The following HEXB variants were observed in gnomAD, a reference collection of about 807,000 sequenced individuals.
The protein encoded by HEXB is hexosaminidase subunit beta, also known as beta-hexosaminidase subunit beta.
Under a neutral mutation model 71.2 loss-of-function variants are expected in HEXB, and 51 were observed. The ratio of observed to expected loss-of-function variants is 0.72; its 90% CI spans 0.57 to 0.90. HEXB has a LOEUF of 0.90. Ranked by LOEUF, HEXB falls within the 40% of genes least tolerant of loss-of-function variation. The pLI is 0.00. For missense variants in HEXB, 617 were observed against 677.0 expected (o/e 0.91, Z 0.98); for synonymous variants, 266 against 249.3 (o/e 1.07, Z -0.63).
At chr5:74,676,964 G>A (rs1233072691) in intron 1 of HEXB, among the ~76,000 whole-genome samples, 1 of 151,842 alleles carries the variant, frequency 6.6e-6, no homozygotes, top group Non-Finnish European at 1.5e-5. Context: ...TCGGCTCACT[G>A]CAAACTCCAC....
chr5:74,661,734 G>A (rs983802388), intron 1 of HEXB, among the ~76,000 whole-genome samples: 1 of 152,118 alleles, frequency 6.6e-6, no homozygotes, highest in African/African-American at 2.4e-5. Flanking sequence ...CTACTTAAAG[G>A]AAATCCAATA....
rs11747100 is a variant in HEXB at position 74,673,109 on chromosome 5, A to G, written c.-376-16219A>G. Among the ~76,000 whole-genome samples, 633 of 152,214 alleles carry G rather than the reference A, an allele frequency of 4.2e-3. 6 individuals are homozygous for G. The highest frequency in any genetic ancestry group is 0.015 in the African/African-American group (603 of 41,516). ...TAGAAAAGGTAGAGAATTGGGGAAC[A>G]AGATAGTGTGGATTCCCACCAGATG... On this transcript the variant is annotated intron_variant, in intron 1 of 13. Transcript: ENST00000511181.
intron 1 of HEXB, among the ~76,000 whole-genome samples, chr5:74,664,454 C>CAA (rs1554033122): frequency 1.2e-5 from 1 of 86,454 alleles, no homozygotes; most frequent in Non-Finnish European, 2.5e-5. Context: ...AAAAAAAAAA[C>CAA]AGAGAGAGAG....
At chr5:74,686,011 TCTC>T (rs1274505886) in intron 1 of HEXB, among the ~76,000 whole-genome samples, 2 of 151,946 alleles carry the variant, frequency 1.3e-5, no homozygotes, top group African/African-American at 2.4e-5. Context: ...TCTCCTCACA[TCTC>T]CTGGTAACAG....
intron 1 of HEXB, among the ~76,000 whole-genome samples, chr5:74,676,472 A>G (rs1178859853): frequency 1.3e-5 from 2 of 152,152 alleles, no homozygotes; most frequent in Non-Finnish European, 2.9e-5. Flanking sequence ...GCAAATTTTT[A>G]AAGGGCAAGA....
intron 1 of HEXB, among the ~76,000 whole-genome samples, chr5:74,678,685 C>T (rs949904301): frequency 6.6e-6 from 1 of 151,918 alleles, no homozygotes; most frequent in African/African-American, 2.4e-5. Flanking sequence ...ATCCCAAAAC[C>T]ATAAAAGGAA....
At chr5:74,680,296 T>A (rs1748715396), upstream of HEXB, among the ~76,000 whole-genome samples, 1 of 152,228 alleles carries the variant, frequency 6.6e-6, no homozygotes, top group African/African-American at 2.4e-5. Flanking sequence ...TACAGACTCG[T>A]TGTTGCCTCT....
At chr5:74,700,302 C>G (rs1172807844) in intron 5 of HEXB, among the ~76,000 whole-genome samples, 2 of 151,634 alleles carry the variant, frequency 1.3e-5, no homozygotes, top group Non-Finnish European at 2.9e-5. Context: ...GCCACTGTGC[C>G]CAGCTGTAAG....
intron 6 of HEXB, among the ~76,000 whole-genome samples, chr5:74,709,733 A>C (rs1201995690): frequency 1.3e-5 from 2 of 152,340 alleles, no homozygotes; most frequent in African/African-American, 4.8e-5. Context: ...CCCAAGACTA[A>C]ACCAGGAAGA....
At chr5:74,668,359 G>A (rs1748474753) in intron 1 of HEXB, among the ~76,000 whole-genome samples, 1 of 152,032 alleles carries the variant, frequency 6.6e-6, no homozygotes, top group Non-Finnish European at 1.5e-5. Context: ...GACGGTGGAG[G>A]AGGAAAAGCA....
chr5:74,698,926 T>A (rs923999123), intron 5 of HEXB, among the ~76,000 whole-genome samples: 5 of 152,066 alleles, frequency 3.3e-5, no homozygotes, highest in African/African-American at 1.2e-4. Flanking sequence ...GGCTCACGCC[T>A]GTAATCCCAG....
chr5:74,689,514 C>T (rs1320155187), intron 2 of HEXB, 41 bp downstream of exon 2: 1 of 1,582,554 alleles, frequency 6.3e-7, no homozygotes, highest in East Asian at 2.2e-5. Context: ...ATCCCAGGTG[C>T]TCGCTGACGG....
chr5:74,701,050 ATTT>A (rs1192368441), intron 5 of HEXB, among the ~76,000 whole-genome samples: 1 of 137,242 alleles, frequency 7.3e-6, no homozygotes, highest in Non-Finnish European at 1.6e-5. Context: ...CCCTGCTAAC[ATTT>A]TTTTTTTTTT....
intron 1 of HEXB, among the ~76,000 whole-genome samples, chr5:74,668,712 A>G (rs1232646628): frequency 6.6e-6 from 1 of 152,242 alleles, no homozygotes; most frequent in African/African-American, 2.4e-5. Context: ...ACAAAGAAAC[A>G]CAAGTCATGA....
chr5:74,651,848 T>C (rs993488609), intron 1 of HEXB, among the ~76,000 whole-genome samples: 4 of 152,216 alleles, frequency 2.6e-5, no homozygotes, highest in African/African-American at 9.7e-5. Flanking sequence ...CTGTATGCCT[T>C]GGTGCTAGAA....
At chr5:74,701,716 T>C (rs895219262) in intron 5 of HEXB, among the ~76,000 whole-genome samples, 143 of 152,208 alleles carry the variant, frequency 9.4e-4, no homozygotes, top group African/African-American at 3.2e-3. Context: ...TACTCCACTT[T>C]AAAATTTTTA....
intron 1 of HEXB, among the ~76,000 whole-genome samples, chr5:74,668,156 G>A (rs1301126684): frequency 2.6e-5 from 4 of 152,100 alleles, no homozygotes; most frequent in African/African-American, 9.7e-5. Context: ...GAGGGCTTCA[G>A]GAGAGTTGCA....
intron 1 of HEXB, among the ~76,000 whole-genome samples, chr5:74,687,193 A>G (rs1462714252): frequency 4.6e-5 from 7 of 152,256 alleles, no homozygotes; most frequent in Admixed American, 6.5e-5. Context: ...TAAGACTTGA[A>G]GGCATGCATG....
At chr5:74,679,695 G>A (rs180824035) in intron 1 of HEXB, among the ~76,000 whole-genome samples, 80 of 150,590 alleles carry the variant, frequency 5.3e-4, no homozygotes, top group African/African-American at 1.9e-3. Context: ...AGCTATCTGG[G>A]AGGCTGAGGC....
Sources: allele counts gnomAD v4.1 joint callset (sites outside exome capture counted in the v4.1 genomes callset), GRCh38; gene constraint gnomAD v4.1.1; transcripts MANE v1.5; gene names NCBI Gene and HGNC (gene_info 2026-07-23, HGNC 2026-07-21).